TMCC1: variants seen among roughly 807,000 people sequenced by gnomAD.
TMCC1 encodes transmembrane and coiled-coil domain family 1, also known as transmembrane and coiled-coil domains protein 1.
In TMCC1, 15 loss-of-function variants were observed where a neutral mutation model predicts 52.4. The ratio of observed to expected loss-of-function variants is 0.29; its 90% CI spans 0.19 to 0.44. The LOEUF is 0.44. TMCC1 is among the 20% of genes least tolerant of loss of function. The pLI is 1.00. For missense variants in TMCC1, 503 were observed against 806.0 expected (o/e 0.62, Z 4.55); for synonymous variants, 279 against 301.9 (o/e 0.92, Z 0.79).
At chr3:129,873,252 G>C (rs2061017993) in intron 2 of TMCC1, among the ~76,000 whole-genome samples, 1 of 151,980 alleles carries the variant, frequency 6.6e-6, no homozygotes, top group Admixed American at 6.6e-5. Context: ...ACACAGATTG[G>C]GGATAAGACT....
intron 4 of TMCC1, among the ~76,000 whole-genome samples, chr3:129,797,753 A>G (rs2056931578): frequency 6.6e-6 from 1 of 152,146 alleles, no homozygotes; most frequent in Non-Finnish European, 1.5e-5. Flanking sequence ...AAAACAAAAC[A>G]AACAAACAAA....
intron 4 of TMCC1, among the ~76,000 whole-genome samples, chr3:129,754,407 A>C (rs1039759738): frequency 6.6e-5 from 10 of 152,230 alleles, no homozygotes; most frequent in African/African-American, 2.4e-4. Context: ...GAATTAGAAT[A>C]GACAAACCAT....
intron 4 of TMCC1, among the ~76,000 whole-genome samples, chr3:129,706,170 G>T (rs536832547): frequency 6.7e-6 from 1 of 150,308 alleles, no homozygotes; most frequent in African/African-American, 2.4e-5. Context: ...GGATACAGGC[G>T]TGAGCCACCG....
At chr3:129,730,180 T>C (rs115987804) in intron 4 of TMCC1, among the ~76,000 whole-genome samples, 136 of 152,228 alleles carry the variant, frequency 8.9e-4, no homozygotes, top group African/African-American at 3.2e-3. Context: ...TATAAGTCCT[T>C]TGTCAGATAT....
At chr3:129,665,535 C>T (rs934693490) in intron 5 of TMCC1, among the ~76,000 whole-genome samples, 7 of 152,182 alleles carry the variant, frequency 4.6e-5, no homozygotes, top group African/African-American at 7.2e-5. Flanking sequence ...CCAGAGCTTG[C>T]ATATTCATAG....
At chr3:129,712,060 C>T (rs2048740715) in intron 4 of TMCC1, among the ~76,000 whole-genome samples, 1 of 149,906 alleles carries the variant, frequency 6.7e-6, no homozygotes, top group South Asian at 2.1e-4. Flanking sequence ...ACCTGTAATC[C>T]CAGCTACTCA....
chr3:129,845,412 A>G (rs1259751620), intron 2 of TMCC1, among the ~76,000 whole-genome samples: 2 of 152,198 alleles, frequency 1.3e-5, no homozygotes, highest in Non-Finnish European at 2.9e-5. Context: ...GACATTCCCA[A>G]CTACCCTAAA....
At chr3:129,672,982 T>C (rs563932227) in intron 4 of TMCC1, among the ~76,000 whole-genome samples, 2 of 152,274 alleles carry the variant, frequency 1.3e-5, no homozygotes, top group South Asian at 2.1e-4. Flanking sequence ...TATATTACCA[T>C]TGATGTGAAT....
At chr3:129,855,965 GATTCCAAA>G (rs2060130341) in intron 2 of TMCC1, among the ~76,000 whole-genome samples, 1 of 152,072 alleles carries the variant, frequency 6.6e-6, no homozygotes, top group Admixed American at 6.5e-5. Context: ...TGGTCCTTCA[GATTCCAAA>G]ATGGCCAAAT....
intron 5 of TMCC1, among the ~76,000 whole-genome samples, chr3:129,655,468 A>C (rs1236418692): frequency 6.6e-6 from 1 of 152,172 alleles, no homozygotes; most frequent in Non-Finnish European, 1.5e-5. Flanking sequence ...AGCCTCATGA[A>C]AAGATAACAC....
intron 4 of TMCC1, among the ~76,000 whole-genome samples, chr3:129,772,722 C>CAAAAA (rs34785535): frequency 1.3e-5 from 1 of 76,186 alleles, no homozygotes; most frequent in Non-Finnish European, 2.5e-5. Flanking sequence ...GACTCCGCCT[C>CAAAAA]AAAAAAAAAA....
chr3:129,764,408 G>T (rs761784359), intron 4 of TMCC1, among the ~76,000 whole-genome samples: 2 of 152,096 alleles, frequency 1.3e-5, no homozygotes, highest in East Asian at 3.9e-4. Context: ...GTCCATACAA[G>T]GCCATAACAA....
chr3:129,799,570 G>T (rs888412795), intron 4 of TMCC1, among the ~76,000 whole-genome samples: 12 of 152,110 alleles, frequency 7.9e-5, no homozygotes, highest in African/African-American at 2.9e-4. Context: ...CAGCGCTTTG[G>T]GAGGCCGAGG....
intron 4 of TMCC1, among the ~76,000 whole-genome samples, chr3:129,786,900 C>T (rs984902758): frequency 3.3e-5 from 5 of 152,140 alleles, no homozygotes; most frequent in African/African-American, 9.7e-5. Context: ...ATGATTAACT[C>T]GATGAGTTTT....
rs764133854 is a variant in TMCC1, at chr3:129,650,351, C to T, written c.*1130G>A. On this transcript the variant is annotated 3_prime_UTR_variant, in exon 7 of 7. Coordinates refer to ENST00000393238, the MANE Select transcript of TMCC1 (RefSeq NM_001017395.5). The stretch of plus-strand genomic sequence containing the variant: ...ACAGCCTCCTGCTCTCCTTGCACAA[C>T]CCTTTCCTCTTCAACTAAGCCAAAC... 2.0e-5 allele frequency: 3 copies of T among 152,138 alleles called. No homozygotes were observed. Among genetic ancestry groups the T allele is most frequent in the Admixed American group, 1.3e-4 (2 of 15,248 alleles). 9.4% of individuals were successfully genotyped at this position (152,138 alleles called of 1,614,324 possible).
chr3:129,672,454 C>G (rs535062926), intron 4 of TMCC1, among the ~76,000 whole-genome samples: 158 of 151,840 alleles, frequency 1.0e-3, no homozygotes, highest in African/African-American at 3.4e-3. Context: ...TTTTAAATTA[C>G]ACAGTTATGG....
intron 4 of TMCC1, among the ~76,000 whole-genome samples, chr3:129,730,526 T>C (rs2050456893): frequency 6.6e-6 from 1 of 152,228 alleles, no homozygotes; most frequent in Admixed American, 6.5e-5. Context: ...GTGTACCCTT[T>C]TACTAATATG....
chr3:129,818,526 A>T (rs567081576), intron 4 of TMCC1, among the ~76,000 whole-genome samples: 16 of 1,362 alleles, frequency 0.012, 2 homozygotes, highest in Admixed American at 0.034. Context: ...GAAAAGTTTT[A>T]AAGAAACTTT....
intron 4 of TMCC1, among the ~76,000 whole-genome samples, chr3:129,801,043 C>T (rs940576393): frequency 6.6e-6 from 1 of 151,164 alleles, no homozygotes; most frequent in Non-Finnish European, 1.5e-5. Context: ...CCTGCCTCAG[C>T]CTCCGGAGCA....
Sources: allele counts gnomAD v4.1 joint callset (sites outside exome capture counted in the v4.1 genomes callset), GRCh38; gene constraint gnomAD v4.1.1; transcripts MANE v1.5; gene names NCBI Gene and HGNC (gene_info 2026-07-23, HGNC 2026-07-21).